The following SH3BGRL2 variants were observed in gnomAD, a reference collection of about 807,000 sequenced individuals.
SH3BGRL2 encodes the protein SH3 domain-binding glutamic acid-rich-like protein 2.
A neutral mutation model predicts 14.8 loss-of-function variants in SH3BGRL2; 21 were observed. The observed-to-expected ratio is 1.42, with a 90% confidence interval of 1.01 to 2.05. The LOEUF (loss-of-function observed/expected upper bound fraction) is 2.05. Among genes scored for constraint, SH3BGRL2 ranks in the 30% most tolerant of loss-of-function variants. The pLI is 0.00. For missense variants in SH3BGRL2, 147 were observed against 130.8 expected (o/e 1.12, Z -0.61); for synonymous variants, 50 against 47.8 (o/e 1.05, Z -0.19).
chr6:79,667,551 A>T (rs563041733), intron 1 of SH3BGRL2, among the ~76,000 whole-genome samples: 115 of 151,614 alleles, frequency 7.6e-4, no homozygotes, highest in Non-Finnish European at 1.3e-3. Flanking sequence ...GGTTCAAGGG[A>T]TTCTCCCACC....
chr6:79,646,796 C>A (rs1002453437), intron 1 of SH3BGRL2, among the ~76,000 whole-genome samples: 10 of 152,228 alleles, frequency 6.6e-5, no homozygotes, highest in Non-Finnish European at 1.2e-4. Context: ...ATAAATGAAA[C>A]CTTTGATGTC....
chr6:79,630,816 C>T (rs1029179548), upstream of SH3BGRL2, among the ~76,000 whole-genome samples: 6 of 152,196 alleles, frequency 3.9e-5, no homozygotes, highest in East Asian at 3.9e-4. Context: ...CACCTTTCTG[C>T]AATCTCCAGT....
In SH3BGRL2 at chr6:79,699,509, G is replaced by GAGA. The variant is rs781517216; in HGVS notation, c.*7_*9dup. 2 of 731,352 alleles carry GAGA rather than the reference G, an allele frequency of 2.7e-6. No homozygotes were observed. The highest frequency in any genetic ancestry group is 3.4e-5 in the East Asian group (1 of 28,996). The allele number at this position is 731,352 out of a possible 1,614,324, so 45.3% of individuals were successfully genotyped here. The stretch of plus-strand genomic sequence containing the variant: ...TTTTTTTTTTATAGGCAGAACCTTA[G>GAGA]AGAAGAAGAGTGGAAGATGACGGAG... On this transcript the variant is annotated 3_prime_UTR_variant, in exon 4 of 4. Transcript: ENST00000369838.
At chr6:79,651,829 A>G (rs1222332013) in intron 1 of SH3BGRL2, among the ~76,000 whole-genome samples, 1 of 152,154 alleles carries the variant, frequency 6.6e-6, no homozygotes, top group East Asian at 1.9e-4. Flanking sequence ...TTGGTGAAGG[A>G]GATGATTCTG....
intron 1 of SH3BGRL2, among the ~76,000 whole-genome samples, chr6:79,648,148 A>G (rs754485114): frequency 6.7e-6 from 1 of 149,950 alleles, no homozygotes; most frequent in Non-Finnish European, 1.5e-5. Flanking sequence ...AACTTCACTG[A>G]CCTTTCAGAG....
intron 1 of SH3BGRL2, among the ~76,000 whole-genome samples, chr6:79,661,913 G>C (rs1769557480): frequency 1.3e-5 from 2 of 152,208 alleles, no homozygotes; most frequent in South Asian, 4.1e-4. Context: ...TTTGATCTTT[G>C]TTGGTCTAAA....
At chr6:79,549,432 C>T in the SH3BGRL2 span, among the ~76,000 whole-genome samples, 3,521 of 152,260 alleles carry the variant, frequency 0.023, 129 homozygotes, top group African/African-American at 0.08. Context: ...CCAGTGGTCC[C>T]ATAAGATTAT....
chr6:79,583,464 A>G, the SH3BGRL2 span, among the ~76,000 whole-genome samples: 1 of 152,232 alleles, frequency 6.6e-6, no homozygotes, highest in Non-Finnish European at 1.5e-5. Flanking sequence ...AAAAAAGATG[A>G]GTTCATGTCC....
chr6:79,586,128 G>A, the SH3BGRL2 span, among the ~76,000 whole-genome samples: 7 of 151,202 alleles, frequency 4.6e-5, no homozygotes, highest in African/African-American at 7.3e-5. Context: ...CCCGGGAGGC[G>A]GAGGTTGCGG....
At chr6:79,649,985 T>TCTCA (rs765159303) in intron 1 of SH3BGRL2, among the ~76,000 whole-genome samples, 5,600 of 142,000 alleles carry the variant, frequency 0.039, 340 homozygotes, top group African/African-American at 0.13. Flanking sequence ...TCTCTCTCTC[T>TCTCA]CACACACACA....
At chr6:79,661,124 A>G (rs906203836) in intron 1 of SH3BGRL2, among the ~76,000 whole-genome samples, 3 of 151,744 alleles carry the variant, frequency 2.0e-5, no homozygotes, top group African/African-American at 4.8e-5. Context: ...TTGTGTCTCT[A>G]TCTCCTTCAG....
intron 1 of SH3BGRL2, among the ~76,000 whole-genome samples, chr6:79,667,726 C>T (rs933034636): frequency 2.0e-5 from 3 of 152,128 alleles, no homozygotes; most frequent in African/African-American, 4.8e-5. Flanking sequence ...GGATTACAGG[C>T]GTGAGCCACC....
intron 1 of SH3BGRL2, among the ~76,000 whole-genome samples, chr6:79,669,620 T>G (rs1216766830): frequency 6.6e-6 from 1 of 151,986 alleles, no homozygotes; most frequent in African/African-American, 2.4e-5. Context: ...AATTTTTGTA[T>G]TTTTAGTAGA....
At chr6:79,584,176 A>T in the SH3BGRL2 span, among the ~76,000 whole-genome samples, 1 of 152,094 alleles carries the variant, frequency 6.6e-6, no homozygotes, top group East Asian at 1.9e-4. Flanking sequence ...ACTTTTTGCC[A>T]GCATTTCATT....
chr6:79,602,301 A>G, the SH3BGRL2 span, among the ~76,000 whole-genome samples: 2 of 152,232 alleles, frequency 1.3e-5, no homozygotes, highest in African/African-American at 2.4e-5. Flanking sequence ...TTACAATTAT[A>G]GGAGTGTACA....
chr6:79,556,856 CAT>C, the SH3BGRL2 span, among the ~76,000 whole-genome samples: 1,632 of 151,782 alleles, frequency 0.011, 31 homozygotes, highest in African/African-American at 0.036. Flanking sequence ...TAAAAAGAAA[CAT>C]ATATTAAAGT....
At chr6:79,595,375 C>G in the SH3BGRL2 span, among the ~76,000 whole-genome samples, 4 of 152,002 alleles carry the variant, frequency 2.6e-5, no homozygotes, top group Non-Finnish European at 5.9e-5. Flanking sequence ...GAAATATTGG[C>G]TACACATGTA....
intron 1 of SH3BGRL2, among the ~76,000 whole-genome samples, chr6:79,656,759 A>G (rs909995406): frequency 1.3e-5 from 2 of 152,176 alleles, no homozygotes; most frequent in Non-Finnish European, 2.9e-5. Flanking sequence ...TGCAAATACT[A>G]CACCATTTTA....
chr6:79,539,439 A>T, the SH3BGRL2 span, among the ~76,000 whole-genome samples: 11 of 152,350 alleles, frequency 7.2e-5, no homozygotes, highest in Admixed American at 2.6e-4. Flanking sequence ...AACAGAAATC[A>T]GACTCTTGTT....
Sources: allele counts gnomAD v4.1 joint callset (sites outside exome capture counted in the v4.1 genomes callset), GRCh38; gene constraint gnomAD v4.1.1; transcripts MANE v1.5; gene names NCBI Gene and HGNC (gene_info 2026-07-23, HGNC 2026-07-21).